DYM: variants seen among roughly 807,000 people sequenced by gnomAD.
DYM encodes dyggve-Melchior-Clausen syndrome protein.
Under a neutral mutation model 93.1 loss-of-function variants are expected in DYM, and 78 were observed. The observed-to-expected ratio is 0.84, with a 90% CI of 0.70 to 1.01. The LOEUF (loss-of-function observed/expected upper bound fraction) is 1.01, where lower values mean the gene tolerates loss of function less well. Among genes scored for constraint, DYM ranks in the 50% least tolerant of loss-of-function variants. DYM has a pLI of 0.00. For missense variants in DYM, 789 were observed against 845.0 expected (o/e 0.93, Z 0.82); for synonymous variants, 321 against 319.7 (o/e 1.00, Z -0.04).
intron 13 of DYM, among the ~76,000 whole-genome samples, chr18:49,213,452 A>C (rs1324525551): frequency 6.6e-6 from 1 of 152,122 alleles, no homozygotes; most frequent in Non-Finnish European, 1.5e-5. Context: ...AATAGCTGGG[A>C]CTACAGGCGC....
chr18:49,275,714 C>G (rs1007869254), intron 10 of DYM, among the ~76,000 whole-genome samples: 6 of 151,980 alleles, frequency 3.9e-5, no homozygotes, highest in African/African-American at 1.5e-4. Flanking sequence ...CTATCTCTAT[C>G]TCTATTTTTT....
chr18:49,080,653 C>T (rs1835664127), intron 17 of DYM, among the ~76,000 whole-genome samples: 1 of 148,618 alleles, frequency 6.7e-6, no homozygotes, highest in Non-Finnish European at 1.5e-5. Context: ...CCCCCCCCAC[C>T]TCCCTCCCGG....
chr18:49,387,571 G>A (rs2068755074), intron 3 of DYM, among the ~76,000 whole-genome samples: 1 of 152,010 alleles, frequency 6.6e-6, no homozygotes, highest in Non-Finnish European at 1.5e-5. Flanking sequence ...GTGCCTGGTC[G>A]AATCCGTGAT....
At chr18:49,237,773 T>C (rs113511416) in intron 13 of DYM, among the ~76,000 whole-genome samples, 1,639 of 152,324 alleles carry the variant, frequency 0.011, 29 homozygotes, top group African/African-American at 0.038. Flanking sequence ...CCAGAGTTTC[T>C]GCATGTAAAC....
chr18:49,072,135 G>A (rs1306649225), intron 17 of DYM, among the ~76,000 whole-genome samples: 1 of 152,202 alleles, frequency 6.6e-6, no homozygotes, highest in Admixed American at 6.5e-5. Flanking sequence ...ATATGAACTA[G>A]ATTACATACT....
At chr18:49,329,099 C>T (rs2063128390) in intron 8 of DYM, among the ~76,000 whole-genome samples, 2 of 152,018 alleles carry the variant, frequency 1.3e-5, no homozygotes, top group African/African-American at 2.4e-5. Flanking sequence ...GAATACTCTG[C>T]AGCCATAAAA....
intron 13 of DYM, among the ~76,000 whole-genome samples, chr18:49,223,876 G>A (rs995094327): frequency 6.6e-6 from 1 of 152,098 alleles, no homozygotes; most frequent in African/African-American, 2.4e-5. Context: ...CCTTGGGGAA[G>A]AACAGAGGTA....
Position 49,202,801 on chromosome 18 carries a change from T to C in DYM, c.1625+6750A>G, listed in dbSNP as rs1272629511. 3.7e-4 allele frequency among the ~76,000 whole-genome samples: 15 copies of C among 40,308 alleles called. No homozygotes were observed. The East Asian group carries it at 0.011, about 30-fold the overall frequency. The allele number at this position is 40,308 out of a possible 152,430, so 26.4% of individuals were successfully genotyped here. A position where few individuals can be genotyped will look rare whatever the true frequency, so the allele number is the denominator to read the frequency against. ...GTGAGGAGCCCCTCCGCCCGGCAGC[T>C]GCCCCGTCTGAGAAGTGAGGAGCCT... On this transcript the variant is annotated intron_variant, in intron 14 of 17. Transcript: ENST00000675505.
At chr18:49,219,869 C>A (rs1248849126) in intron 13 of DYM, among the ~76,000 whole-genome samples, 2 of 148,550 alleles carry the variant, frequency 1.3e-5, no homozygotes, top group African/African-American at 4.9e-5. Context: ...CCCTCTCTCA[C>A]CACTCCTATT....
intron 16 of DYM, among the ~76,000 whole-genome samples, chr18:49,098,054 A>G (rs531674874): frequency 1.6e-4 from 25 of 152,324 alleles, no homozygotes; most frequent in African/African-American, 5.8e-4. Flanking sequence ...GCTTCATGTT[A>G]TAGCACAGCC....
chr18:49,107,663 GA>G (rs1301737051), intron 16 of DYM, among the ~76,000 whole-genome samples: 5 of 152,220 alleles, frequency 3.3e-5, no homozygotes, highest in African/African-American at 1.2e-4. Context: ...GAGTTTGCTG[GA>G]GGTCCACTCC....
chr18:49,305,649 G>A (rs536899624), intron 8 of DYM, among the ~76,000 whole-genome samples: 1 of 152,200 alleles, frequency 6.6e-6, no homozygotes, highest in South Asian at 2.1e-4. Flanking sequence ...ATGAAATGTA[G>A]GCATTTAATA....
chr18:49,211,232 A>T (rs961153483), intron 13 of DYM, among the ~76,000 whole-genome samples: 2 of 152,230 alleles, frequency 1.3e-5, no homozygotes, highest in Non-Finnish European at 2.9e-5. Flanking sequence ...AAAAAATTTT[A>T]AACCGCTCCA....
intron 11 of DYM, among the ~76,000 whole-genome samples, chr18:49,263,513 G>A (rs1322260859): frequency 3.3e-5 from 5 of 151,392 alleles, no homozygotes; most frequent in Non-Finnish European, 7.4e-5. Flanking sequence ...GGTGGATCAC[G>A]AGGTCAGGAG....
intron 8 of DYM, among the ~76,000 whole-genome samples, chr18:49,304,571 C>G (rs1005532882): frequency 6.6e-6 from 1 of 152,154 alleles, no homozygotes; most frequent in Admixed American, 6.5e-5. Flanking sequence ...TCTCAGAAGG[C>G]TTTTCAAATG....
chr18:49,135,634 C>T lies in DYM; in HGVS notation c.1729-16708G>A, dbSNP rs145923355. Among the ~76,000 whole-genome samples, 6 of 152,250 alleles carry T rather than the reference C, an allele frequency of 3.9e-5. No homozygotes were observed. In the East Asian group the frequency reaches 1.2e-3, roughly 29 times the overall value. On this transcript the variant is annotated intron_variant, in intron 15 of 17. Coordinates refer to ENST00000675505, the MANE Select transcript of DYM (RefSeq NM_001353214.3). ...GATGTATTTAGGAGGTATAAGAAGGCTATCAGGCACTAAGAGAAACTAACG... is the reference window on the plus strand; with the variant it reads ...GATGTATTTAGGAGGTATAAGAAGGTTATCAGGCACTAAGAGAAACTAACG...
rs551500266 is a variant in DYM at position 49,389,557 on chromosome 18, C to T, written c.193+2036G>A. Among the ~76,000 whole-genome samples the T allele has an allele frequency of 3.3e-5, 5 of 152,178 alleles. No homozygotes were observed. In the South Asian group the frequency reaches 6.2e-4, roughly 19 times the overall value. ...TATTGTCCAGACTGGAGTCCAGTGGCGCCATCATGGTTCCCTGCAGCCTCA... is the reference window on the plus strand; with the variant it reads ...TATTGTCCAGACTGGAGTCCAGTGGTGCCATCATGGTTCCCTGCAGCCTCA... On this transcript the variant is annotated intron_variant, in intron 3 of 17. Coordinates refer to ENST00000675505, the MANE Select transcript of DYM (RefSeq NM_001353214.3).
intron 14 of DYM, among the ~76,000 whole-genome samples, chr18:49,207,386 C>T (rs191285588): frequency 1.0e-3 from 155 of 152,228 alleles, no homozygotes; most frequent in Admixed American, 6.7e-3. Flanking sequence ...GGAACAGATA[C>T]GTGGTAACAA....
intron 13 of DYM, among the ~76,000 whole-genome samples, chr18:49,216,493 G>A (rs961107052): frequency 1.2e-4 from 19 of 152,180 alleles, no homozygotes; most frequent in Non-Finnish European, 2.8e-4. Flanking sequence ...GCCTAACTGG[G>A]AGGCACCCCC....
Sources: allele counts gnomAD v4.1 joint callset (sites outside exome capture counted in the v4.1 genomes callset), GRCh38; gene constraint gnomAD v4.1.1; transcripts MANE v1.5; gene names NCBI Gene and HGNC (gene_info 2026-07-23, HGNC 2026-07-21).